Variants in HECTD2 observed in about 807,000 individuals in gnomAD.
HECTD2 encodes the protein HECT domain E3 ubiquitin protein ligase 2.
In HECTD2, 35 loss-of-function variants were observed where a neutral mutation model predicts 103.2. The observed-to-expected ratio is 0.34, with a 90% CI of 0.26 to 0.45. The LOEUF (loss-of-function observed/expected upper bound fraction) is 0.45, where lower values mean the gene tolerates loss of function less well. Among genes scored for constraint, HECTD2 ranks in the 20% least tolerant of loss-of-function variants. HECTD2 has a pLI of 1.00. For synonymous variants in HECTD2, 281 were observed against 329.9 expected (o/e 0.85, Z 1.61); for missense variants, 596 against 937.4 (o/e 0.64, Z 4.76).
intron 2 of HECTD2, among the ~76,000 whole-genome samples, chr10:91,453,147 T>C (rs1264300327): frequency 6.6e-6 from 1 of 152,094 alleles, no homozygotes; most frequent in African/African-American, 2.4e-5. Context: ...TTAAGAAAAT[T>C]ATGGCCGAGT....
At chr10:91,452,624 G>C (rs1490777377) in intron 2 of HECTD2, among the ~76,000 whole-genome samples, 1 of 151,894 alleles carries the variant, frequency 6.6e-6, no homozygotes, top group Non-Finnish European at 1.5e-5. Flanking sequence ...AGATATTTGA[G>C]CTAGCATACT....
chr10:91,498,918 C>A lies in HECTD2; in HGVS notation c.1802C>A (p.Pro601His). Reference protein sequence around the residue: ...FGIIKSYNLKPGGDKISVTNQ... With the variant: ...FGIIKSYNLKHGGDKISVTNQ... ...ATAATCAAGTCCTATAATTTAAAGC[C>A]CGGTGGTGATAAAATTTCAGTTACC... The change falls in exon 17 of 21, where the codon CCC becomes CAC. Residue 601 changes from proline (P) to histidine (H), a missense_variant. Physicochemically the swap from Pro to His is moderately conservative, Grantham distance 77 (BLOSUM62 -2). Around this residue, in one of 4 missense-constraint regions of HECTD2, gnomAD observed 303 missense variants for 522.5 expected, o/e 0.58. Transcript: ENST00000298068. 1 of 1,606,662 alleles carries A rather than the reference C, an allele frequency of 6.2e-7. No individual in the cohort carries two copies. Among genetic ancestry groups the A allele is most frequent in the South Asian group, 1.1e-5 (1 of 90,258 alleles).
At chr10:91,440,274 T>C (rs1249055026) in intron 2 of HECTD2, among the ~76,000 whole-genome samples, 1 of 152,140 alleles carries the variant, frequency 6.6e-6, no homozygotes, top group Non-Finnish European at 1.5e-5. Context: ...TATTGAGAGT[T>C]TTTAGCATGA....
chr10:91,444,163 C>T (rs899136279), intron 2 of HECTD2, among the ~76,000 whole-genome samples: 5 of 152,206 alleles, frequency 3.3e-5, no homozygotes, highest in Non-Finnish European at 5.9e-5. Context: ...CACACTTTTT[C>T]CCAACCTGGC....
chr10:91,415,787 G>C (rs1843103478), intron 1 of HECTD2, among the ~76,000 whole-genome samples: 1 of 152,230 alleles, frequency 6.6e-6, no homozygotes, highest in Admixed American at 6.5e-5. Flanking sequence ...TTTGTTACTA[G>C]AGATAGAACA....
At chr10:91,470,977 C>A (rs1251898810) in intron 5 of HECTD2, among the ~76,000 whole-genome samples, 2 of 145,914 alleles carry the variant, frequency 1.4e-5, no homozygotes, top group Non-Finnish European at 1.5e-5. Flanking sequence ...GGCAGAGACA[C>A]ACACACACAC....
At chr10:91,419,674 T>G (rs1169195340) in intron 1 of HECTD2, among the ~76,000 whole-genome samples, 8 of 152,198 alleles carry the variant, frequency 5.3e-5, no homozygotes, top group Non-Finnish European at 1.0e-4. Flanking sequence ...TACATATCTA[T>G]TATTTAAAGG....
chr10:91,481,117 G>T lies in HECTD2; in HGVS notation c.689G>T (p.Arg230Ile). 6.5e-7 allele frequency: 1 copy of T among 1,528,674 alleles called. No individual in the cohort carries two copies. Among genetic ancestry groups the T allele is most frequent in the South Asian group, 1.2e-5 (1 of 81,998 alleles). 94.7% of individuals were successfully genotyped at this position (1,528,674 alleles called of 1,614,324 possible). ...AGTCCACGAACAAAAGATGATCTTA[G>T]AGCATATTTTATACTTTTACAGGTA... is the stretch of plus-strand genomic sequence containing the variant. ...WKGPRTKDDL[R>I]AYFILLQNPQ... is the part of the protein sequence containing the mutation. The change falls in exon 7 of 21, where the codon AGA becomes ATA. Residue 230 changes from arginine to isoleucine, a missense_variant. By Grantham distance (97) the Arg-to-Ile change is moderately conservative (BLOSUM62 -3). Around this residue, in one of 4 missense-constraint regions of HECTD2, gnomAD observed 303 missense variants for 522.5 expected, o/e 0.58. Transcript: ENST00000298068.
intron 20 of HECTD2, among the ~76,000 whole-genome samples, chr10:91,503,738 G>A (rs559835516): frequency 0.015 from 2,333 of 152,200 alleles, 56 homozygotes; most frequent in African/African-American, 0.053. Context: ...TTAGGTAAAC[G>A]AAGCAGCCAG....
intron 6 of HECTD2, among the ~76,000 whole-genome samples, chr10:91,479,396 GT>G (rs1416540174): frequency 6.6e-6 from 1 of 152,084 alleles, no homozygotes; most frequent in Non-Finnish European, 1.5e-5. Flanking sequence ...AGTAAAAAAT[GT>G]TTACATTTTA....
intron 5 of HECTD2, among the ~76,000 whole-genome samples, chr10:91,476,763 T>G (rs1186005762): frequency 6.6e-6 from 1 of 152,190 alleles, no homozygotes; most frequent in African/African-American, 2.4e-5. Context: ...GAGAACCGTC[T>G]TCTTGAAGTT....
At chr10:91,418,691 G>A (rs1007456298) in intron 1 of HECTD2, among the ~76,000 whole-genome samples, 1 of 152,006 alleles carries the variant, frequency 6.6e-6, no homozygotes, top group Non-Finnish European at 1.5e-5. Flanking sequence ...TACAAAAAGA[G>A]AAACAAAATA....
intron 10 of HECTD2, chr10:91,486,983 T>C (rs1257970264): frequency 6.6e-6 from 1 of 152,338 alleles, no homozygotes; most frequent in African/African-American, 2.4e-5. Flanking sequence ...GCAATCTAAC[T>C]CCAGAAGTGT....
At chr10:91,468,781 T>C (rs1298803226) in intron 5 of HECTD2, among the ~76,000 whole-genome samples, 1 of 152,004 alleles carries the variant, frequency 6.6e-6, no homozygotes, top group Non-Finnish European at 1.5e-5. Flanking sequence ...AAAAAATTTT[T>C]TTAAGTTAGC....
chr10:91,444,324 G>C (rs528344452), intron 2 of HECTD2, among the ~76,000 whole-genome samples: 1 of 152,262 alleles, frequency 6.6e-6, no homozygotes, highest in East Asian at 1.9e-4. Context: ...TAAAAGAACT[G>C]GATTTTGGCA....
chr10:91,426,351 A>C (rs78757252), intron 2 of HECTD2, among the ~76,000 whole-genome samples: 1 of 152,232 alleles, frequency 6.6e-6, no homozygotes, highest in African/African-American at 2.4e-5. Context: ...CTAACCAAAC[A>C]AAACAAACCT....
At chr10:91,466,688 T>C (rs1845542588) in intron 5 of HECTD2, among the ~76,000 whole-genome samples, 1 of 152,128 alleles carries the variant, frequency 6.6e-6, no homozygotes, top group Non-Finnish European at 1.5e-5. Flanking sequence ...GTTAACAATT[T>C]ATGTTCACCC....
At chr10:91,431,348 A>G (rs1407595857) in intron 2 of HECTD2, among the ~76,000 whole-genome samples, 1 of 151,924 alleles carries the variant, frequency 6.6e-6, no homozygotes, top group African/African-American at 2.4e-5. Flanking sequence ...GAATCTGACA[A>G]TTATGTGTTT....
At chr10:91,438,177 C>T (rs1013871820) in intron 2 of HECTD2, among the ~76,000 whole-genome samples, 7 of 151,940 alleles carry the variant, frequency 4.6e-5, no homozygotes, top group African/African-American at 1.7e-4. Flanking sequence ...TGGTTGCCTG[C>T]ACCCATCAAC....
Sources: allele counts gnomAD v4.1 joint callset (sites outside exome capture counted in the v4.1 genomes callset), GRCh38; gene constraint gnomAD v4.1.1; regional missense constraint gnomAD v4.1.1; transcripts MANE v1.5; gene names NCBI Gene and HGNC (gene_info 2026-07-23, HGNC 2026-07-21).